The following RNF114 variants were observed in gnomAD, a reference collection of about 807,000 sequenced individuals.
The protein encoded by RNF114 is E3 ubiquitin-protein ligase RNF114.
RNF114 carries 6 observed loss-of-function variants against 28.4 expected under a neutral mutation model. The ratio of observed to expected loss-of-function variants is 0.21; its 90% CI spans 0.12 to 0.42. RNF114 has a LOEUF of 0.42. Among genes scored for constraint, RNF114 ranks in the 10% least tolerant of loss-of-function variants. RNF114 has a pLI of 1.00. For synonymous variants in RNF114, 115 were observed against 116.7 expected (o/e 0.99, Z 0.09); for missense variants, 249 against 311.7 (o/e 0.80, Z 1.51).
At chr20:49,947,855 G>C (rs1213187485) in intron 4 of RNF114, among the ~76,000 whole-genome samples, 1 of 124,242 alleles carries the variant, frequency 8.0e-6, no homozygotes, top group Non-Finnish European at 1.6e-5. Flanking sequence ...GCAGTGGCGC[G>C]ATCTCGACTC....
At chr20:49,941,834 C>G in intron 2 of RNF114, 123 bp downstream of exon 2, 1 of 957,492 alleles carries the variant, frequency 1.0e-6, no homozygotes, top group Non-Finnish European at 1.6e-6. Context: ...GCGTGCATGC[C>G]AATTACCTGT....
Position 49,941,653 on chromosome 20 carries a change from T to C in RNF114, c.233T>C (p.Val78Ala). ...RSALAPGVRAVELERQIESTE... is the reference protein window; with the variant it reads ...RSALAPGVRAAELERQIESTE... The stretch of plus-strand genomic sequence containing the variant: ...GCTCTGGCACCTGGCGTCCGAGCCG[T>C]GGAGCTCGAGCGGCAGATCGAGAGC... The change falls in exon 2 of 6, where the codon GTG becomes GCG. Residue 78 changes from valine (V) to alanine (A), a missense_variant. Around this residue, in one of 2 missense-constraint regions of RNF114, gnomAD observed 126 missense variants for 205.3 expected, o/e 0.61. Transcript: ENST00000244061. The C allele has an allele frequency of 1.9e-6, 3 of 1,613,008 alleles. No individual in the cohort carries two copies. The highest frequency in any genetic ancestry group is 2.5e-6 in the Non-Finnish European group (3 of 1,179,652).
intron 4 of RNF114, among the ~76,000 whole-genome samples, chr20:49,947,274 T>C (rs2090336482): frequency 1.4e-5 from 2 of 138,692 alleles, no homozygotes; most frequent in Non-Finnish European, 3.1e-5. Context: ...TGTGTTACCT[T>C]TCTCTCTCAA....
chr20:49,947,451 A>G (rs756502501), intron 4 of RNF114, among the ~76,000 whole-genome samples: 27 of 152,190 alleles, frequency 1.8e-4, no homozygotes, highest in African/African-American at 5.8e-4. Flanking sequence ...TAGAATTTTA[A>G]TGAGCTTTTG....
chr20:49,950,682 C>CAAAAA (rs11429510), intron 5 of RNF114, among the ~76,000 whole-genome samples: 1 of 90,524 alleles, frequency 1.1e-5, no homozygotes. Flanking sequence ...GACCCTGTCT[C>CAAAAA]AAAAAAAAAA....
chr20:49,936,635 G>C, intron 1 of RNF114, 83 bp downstream of exon 1: 1 of 1,494,552 alleles, frequency 6.7e-7, no homozygotes. Flanking sequence ...TCTCAGGGCG[G>C]GAGCCAGAGG....
intron 4 of RNF114, 86 bp downstream of exon 4, chr20:49,946,336 T>G (rs2090331428): frequency 7.5e-6 from 5 of 666,568 alleles, no homozygotes; most frequent in Non-Finnish European, 1.3e-5. Flanking sequence ...TAGAATGAAC[T>G]CCTGTGTGCC....
At chr20:49,945,614 G>A (rs2090327327) in intron 3 of RNF114, 126 bp downstream of exon 3, 3 of 626,782 alleles carry the variant, frequency 4.8e-6, no homozygotes, top group South Asian at 1.9e-5. Flanking sequence ...TATTTTGGGA[G>A]GAGTATGCAA....
intron 2 of RNF114, chr20:49,944,294 C>T (rs1235085048): frequency 1.3e-5 from 2 of 152,118 alleles, no homozygotes; most frequent in Admixed American, 6.6e-5. Flanking sequence ...ATCTCGAACT[C>T]GGGAGCGTGA....
In RNF114 at chr20:49,936,425, C is replaced by G; in HGVS notation, c.13C>G (p.Gln5Glu). 1.3e-6 allele frequency: 2 copies of G among 1,521,366 alleles called. No individual in the cohort carries two copies. The highest frequency in any genetic ancestry group is 1.8e-6 in the Non-Finnish European group (2 of 1,135,328). 94.2% of individuals were successfully genotyped at this position (1,521,366 alleles called of 1,614,324 possible). ...GAGCGGCAGCAAGATGGCGGCGCAA[C>G]AGCGGGACTGCGGGGGTGCTGCGCA... The part of the protein sequence containing the change: MAAQ[Q>E]RDCGGAAQLA... The change falls in exon 1 of 6, where the codon CAG (glutamine) becomes GAG (glutamate). Residue 5 changes from glutamine (Q) to glutamate (E), a missense_variant. Gln to Glu is a conservative substitution (Grantham distance 29). Transcript: ENST00000244061.
intron 1 of RNF114, among the ~76,000 whole-genome samples, chr20:49,937,524 C>G (rs546011444): frequency 2.0e-5 from 3 of 152,126 alleles, no homozygotes; most frequent in African/African-American, 2.4e-5. Context: ...ACTGAGGGTC[C>G]GAGGCTCTCT....
chr20:49,943,763 A>G (rs2090316837), intron 2 of RNF114, among the ~76,000 whole-genome samples: 2 of 134,742 alleles, frequency 1.5e-5, no homozygotes, highest in South Asian at 4.6e-4. Flanking sequence ...GGTTCACGCC[A>G]TTCTCCTGCC....
At chr20:49,950,700 A>C (rs1428769169) in intron 5 of RNF114, among the ~76,000 whole-genome samples, 3 of 150,366 alleles carry the variant, frequency 2.0e-5, no homozygotes, top group Non-Finnish European at 3.0e-5. Flanking sequence ...AAAAAAAAAA[A>C]CAAAACACAC....
rs765946103 is a variant in RNF114 at position 49,936,439 on chromosome 20, G to T, written c.27G>T (p.Gly9=). Residue 9 remains glycine, a synonymous_variant, in exon 1 of 6, where the codon GGG becomes GGT. Coordinates refer to ENST00000244061, the MANE Select transcript of RNF114 (RefSeq NM_018683.4). MAAQQRDC[G]GAAQLAGPAA... Reference sequence around the variant, plus strand: ...TGGCGGCGCAACAGCGGGACTGCGGGGGTGCTGCGCAGCTGGCGGGGCCGG... The same window carrying T: ...TGGCGGCGCAACAGCGGGACTGCGGTGGTGCTGCGCAGCTGGCGGGGCCGG... The T allele has an allele frequency of 7.1e-6, 11 of 1,540,584 alleles. No individual in the cohort carries two copies. In the South Asian group the frequency reaches 1.1e-4, roughly 15 times the overall value.
intron 1 of RNF114, among the ~76,000 whole-genome samples, chr20:49,940,160 T>A (rs2090302078): frequency 6.6e-6 from 1 of 152,144 alleles, no homozygotes; most frequent in Non-Finnish European, 1.5e-5. Context: ...ACCTTCCTTT[T>A]AAACTCCTGG....
intron 1 of RNF114, 39 bp downstream of exon 1, chr20:49,936,591 C>G: frequency 6.4e-7 from 1 of 1,568,218 alleles, no homozygotes; most frequent in Non-Finnish European, 8.6e-7. Flanking sequence ...GGGCGCTTAA[C>G]TGGGAAGGGA....
intron 2 of RNF114, chr20:49,944,217 T>C (rs1351384598): frequency 6.6e-6 from 1 of 151,994 alleles, no homozygotes; most frequent in African/African-American, 2.4e-5. Flanking sequence ...TACAGGCATG[T>C]GTCACCACGC....
intron 4 of RNF114, among the ~76,000 whole-genome samples, chr20:49,948,429 ATTTTTT>A (rs571295310): frequency 7.4e-6 from 1 of 135,990 alleles, no homozygotes; most frequent in Non-Finnish European, 1.6e-5. Context: ...CTGGAGCACA[ATTTTTT>A]TTTTTTTTTT....
intron 5 of RNF114, among the ~76,000 whole-genome samples, chr20:49,949,958 G>A (rs887833157): frequency 1.4e-5 from 2 of 143,732 alleles, no homozygotes; most frequent in Non-Finnish European, 3.1e-5. Context: ...TGACATTTAA[G>A]AAGATGATCT....
Sources: gnomAD v4.1 joint callset for allele counts (sites outside exome capture counted in the v4.1 genomes callset) on GRCh38, gnomAD v4.1.1 for gene constraint, gnomAD v4.1.1 regional missense constraint, MANE v1.5 for transcripts, NCBI Gene and HGNC (gene_info 2026-07-23, HGNC 2026-07-21) for gene names.